The following GRM8 variants were observed in gnomAD, a reference collection of about 807,000 sequenced individuals.
GRM8 encodes the protein glutamate metabotropic receptor 8.
A neutral mutation model predicts 87.2 loss-of-function variants in GRM8; 47 were observed. The observed-to-expected ratio is 0.54, with a 90% CI of 0.43 to 0.69. The LOEUF is 0.69. GRM8 is among the 30% of genes least tolerant of loss of function. The pLI, the probability that GRM8 is intolerant of heterozygous loss-of-function variation, is 0.00. For missense variants in GRM8, 1,019 were observed against 1,139.2 expected, an observed-to-expected ratio of 0.89 and a Z score of 1.52; for synonymous variants, 396 against 404.5, an observed-to-expected ratio of 0.98 and a Z score of 0.25.
chr7:126,676,641 A>G (rs779283065), intron 7 of GRM8, among the ~76,000 whole-genome samples: 7 of 152,230 alleles, frequency 4.6e-5, no homozygotes, highest in Non-Finnish European at 8.8e-5. Context: ...ACTCTATTCA[A>G]TAAATGGTGC....
At chr7:126,896,077 C>T (rs1586361923) in intron 6 of GRM8, among the ~76,000 whole-genome samples, 2 of 150,644 alleles carry the variant, frequency 1.3e-5, no homozygotes, top group East Asian at 3.9e-4. Flanking sequence ...CTGAGATTAA[C>T]ACTGTGATTT....
intron 7 of GRM8, among the ~76,000 whole-genome samples, chr7:126,726,051 T>C (rs1812933357): frequency 6.6e-6 from 1 of 152,170 alleles, no homozygotes; most frequent in South Asian, 2.1e-4. Flanking sequence ...GCTACAGTAT[T>C]TCTCTGTGTT....
chr7:127,132,224 C>G (rs1157895473), intron 2 of GRM8, among the ~76,000 whole-genome samples: 1 of 152,140 alleles, frequency 6.6e-6, no homozygotes, highest in Admixed American at 6.6e-5. Context: ...GTTGGGACAC[C>G]CTTGTTCACT....
chr7:126,505,184 C>T (rs1393592583), intron 9 of GRM8, among the ~76,000 whole-genome samples: 3 of 151,930 alleles, frequency 2.0e-5, no homozygotes, highest in Admixed American at 6.6e-5. Context: ...ATATAAAAAC[C>T]ACAACAGTTC....
chr7:126,548,568 C>T (rs1287375271), intron 8 of GRM8, among the ~76,000 whole-genome samples: 2 of 151,710 alleles, frequency 1.3e-5, no homozygotes, highest in African/African-American at 4.8e-5. Flanking sequence ...ATCTATATGC[C>T]CATGATAATG....
chr7:126,957,037 G>A (rs1458443043), intron 3 of GRM8, among the ~76,000 whole-genome samples: 3 of 152,144 alleles, frequency 2.0e-5, no homozygotes, highest in Non-Finnish European at 1.5e-5. Flanking sequence ...GGACCACGGT[G>A]TGAACACTTT....
intron 2 of GRM8, among the ~76,000 whole-genome samples, chr7:127,198,573 T>C (rs1452505637): frequency 6.6e-6 from 1 of 152,148 alleles, no homozygotes; most frequent in East Asian, 1.9e-4. Flanking sequence ...TTGAGAGATG[T>C]TTTGTGGTGG....
intron 7 of GRM8, among the ~76,000 whole-genome samples, chr7:126,747,329 A>G (rs770573322): frequency 9.9e-5 from 15 of 152,038 alleles, no homozygotes; most frequent in Non-Finnish European, 1.8e-4. Flanking sequence ...CAGGCATTTA[A>G]AGGTATGCAT....
intron 2 of GRM8, chr7:127,228,776 G>C (rs17861422): frequency 6.6e-6 from 1 of 152,080 alleles, no homozygotes; most frequent in Non-Finnish European, 1.5e-5. Flanking sequence ...TCTACTACTA[G>C]AACTTCATTC....
At chr7:126,689,704 A>G (rs1175966193) in intron 7 of GRM8, among the ~76,000 whole-genome samples, 3 of 152,222 alleles carry the variant, frequency 2.0e-5, no homozygotes, top group Non-Finnish European at 4.4e-5. Context: ...TATCTCATCA[A>G]CAATTGTAGA....
At chr7:127,102,114 A>G (rs1391612092) in intron 3 of GRM8, among the ~76,000 whole-genome samples, 3 of 152,216 alleles carry the variant, frequency 2.0e-5, no homozygotes, top group Non-Finnish European at 4.4e-5. Context: ...TATACAGCAG[A>G]AGAAATTTCT....
intron 3 of GRM8, among the ~76,000 whole-genome samples, chr7:127,048,309 T>G (rs1819141414): frequency 6.6e-6 from 1 of 152,016 alleles, no homozygotes; most frequent in South Asian, 2.1e-4. Flanking sequence ...GCAGGGAGAT[T>G]GGGATAGCTG....
intron 3 of GRM8, among the ~76,000 whole-genome samples, chr7:126,971,475 A>C (rs1323328883): frequency 3.9e-5 from 6 of 152,148 alleles, no homozygotes; most frequent in African/African-American, 1.4e-4. Context: ...CATCTCACTG[A>C]ATATAAAGTA....
intron 2 of GRM8, among the ~76,000 whole-genome samples, chr7:127,181,825 C>A (rs748832351): frequency 6.6e-6 from 1 of 152,012 alleles, no homozygotes; most frequent in East Asian, 1.9e-4. Flanking sequence ...TCATCTCTCA[C>A]GTTATACAAA....
At chr7:126,995,163 G>A (rs1813058989) in intron 3 of GRM8, among the ~76,000 whole-genome samples, 1 of 152,170 alleles carries the variant, frequency 6.6e-6, no homozygotes, top group South Asian at 2.1e-4. Context: ...ATCTTTATGA[G>A]TCTGTATTAC....
intron 3 of GRM8, among the ~76,000 whole-genome samples, chr7:127,104,419 C>T (rs1458844738): frequency 1.3e-5 from 2 of 152,146 alleles, no homozygotes; most frequent in Non-Finnish European, 2.9e-5. Flanking sequence ...TTCCCATTAA[C>T]ATCATTGTCA....
chr7:126,822,531 T>G (rs915023449), intron 6 of GRM8, among the ~76,000 whole-genome samples: 7 of 151,112 alleles, frequency 4.6e-5, no homozygotes, highest in African/African-American at 1.7e-4. Flanking sequence ...CCCTTCCTTG[T>G]CTCTCTCTTT....
rs190974463 is a variant in GRM8 at position 126,554,935 on chromosome 7, A to T, written c.1495-21048T>A. 2.6e-5 allele frequency among the ~76,000 whole-genome samples: 4 copies of T among 152,300 alleles called. No individual in the cohort carries two copies. The South Asian group carries it at 8.3e-4, about 32-fold the overall frequency. On this transcript the variant is annotated intron_variant, in intron 8 of 10. Transcript: ENST00000339582. Reference sequence around the variant, plus strand: ...AATAGGATAAATGTAAGAAGAAAAGAGTAAGTTGGAATTTGAGATTCCAAT... The same window carrying T: ...AATAGGATAAATGTAAGAAGAAAAGTGTAAGTTGGAATTTGAGATTCCAAT...
intron 2 of GRM8, among the ~76,000 whole-genome samples, chr7:127,144,203 G>T (rs17867019): frequency 1.9e-3 from 288 of 152,206 alleles, no homozygotes; most frequent in African/African-American, 6.6e-3. Context: ...TTCTTAAGCA[G>T]CACTGGCTCA....
Sources: gnomAD v4.1 joint callset for allele counts (sites outside exome capture counted in the v4.1 genomes callset) on GRCh38, gnomAD v4.1.1 for gene constraint, MANE v1.5 for transcripts, NCBI Gene and HGNC (gene_info 2026-07-23, HGNC 2026-07-21) for gene names.